PCBP3: variants seen among roughly 807,000 people sequenced by gnomAD.
The protein encoded by PCBP3 is poly(rC) binding protein 3, also known as poly(rC)-binding protein 3.
A neutral mutation model predicts 52.7 loss-of-function variants in PCBP3; 25 were observed. The observed-to-expected ratio is 0.47, with a 90% CI of 0.35 to 0.66. PCBP3 has a LOEUF of 0.66. Ranked by LOEUF, PCBP3 falls within the 30% of genes least tolerant of loss-of-function variation. PCBP3 has a pLI of 0.01. For missense variants in PCBP3, 391 were observed against 490.3 expected, an observed-to-expected ratio of 0.80 and a Z score of 1.91; for synonymous variants, 162 against 183.0, an observed-to-expected ratio of 0.89 and a Z score of 0.93.
intron 2 of PCBP3, among the ~76,000 whole-genome samples, chr21:45,712,604 C>T (rs903254914): frequency 2.6e-5 from 4 of 152,194 alleles, no homozygotes; most frequent in South Asian, 2.1e-4. Context: ...ACACTGTACA[C>T]GTTGGTTTGT....
intron 12 of PCBP3, chr21:45,915,987 A>G (rs980459600): frequency 6.6e-6 from 1 of 152,294 alleles, no homozygotes; most frequent in African/African-American, 2.4e-5. Context: ...GAAATCAGGG[A>G]CCTGGAAGAT....
chr21:45,844,415 C>G (rs2093762442), intron 4 of PCBP3, among the ~76,000 whole-genome samples: 1 of 152,104 alleles, frequency 6.6e-6, no homozygotes, highest in Non-Finnish European at 1.5e-5. Flanking sequence ...TCACCCAGCG[C>G]AAGGTGAGGG....
chr21:45,710,688 G>A (rs2083777185), intron 2 of PCBP3, among the ~76,000 whole-genome samples: 1 of 152,170 alleles, frequency 6.6e-6, no homozygotes, highest in Admixed American at 6.5e-5. Context: ...GTACTGTTTG[G>A]AAGGAAGTCA....
intron 1 of PCBP3, among the ~76,000 whole-genome samples, chr21:45,657,273 A>G (rs898324703): frequency 6.6e-6 from 1 of 152,084 alleles, no homozygotes; most frequent in Admixed American, 6.6e-5. Flanking sequence ...GTTTTATTCT[A>G]AGGGTTTTAT....
At chr21:45,776,240 T>C (rs2090242659) in intron 4 of PCBP3, among the ~76,000 whole-genome samples, 1 of 152,206 alleles carries the variant, frequency 6.6e-6, no homozygotes, top group South Asian at 2.1e-4. Flanking sequence ...TCCTGGAGAA[T>C]GTTCCTTTCA....
chr21:45,825,638 C>T (rs1167022521), intron 4 of PCBP3, among the ~76,000 whole-genome samples: 3 of 152,184 alleles, frequency 2.0e-5, no homozygotes, highest in African/African-American at 7.2e-5. Flanking sequence ...TCTTATTTTT[C>T]AGGGCTCATA....
At chr21:45,815,150 A>G (rs1603441942) in intron 4 of PCBP3, among the ~76,000 whole-genome samples, 1 of 58,362 alleles carries the variant, frequency 1.7e-5, no homozygotes, top group African/African-American at 7.6e-5. Flanking sequence ...GTGAGTGGTG[A>G]GTGAGTGGTG....
intron 5 of PCBP3, among the ~76,000 whole-genome samples, chr21:45,881,126 C>T (rs531805100): frequency 6.6e-6 from 1 of 152,110 alleles, no homozygotes; most frequent in Admixed American, 6.5e-5. Context: ...TAATTTTTAT[C>T]GTGAGTTGGT....
chr21:45,843,482 A>G (rs1228108200), intron 4 of PCBP3, among the ~76,000 whole-genome samples: 1 of 152,170 alleles, frequency 6.6e-6, no homozygotes, highest in Non-Finnish European at 1.5e-5. Flanking sequence ...TAACTTTTTA[A>G]ATGGGATTCG....
At position 45,908,706 on chromosome 21, in the gene PCBP3, G is replaced by A. The variant is rs529446366; in HGVS notation, c.340-649G>A. On this transcript the variant is annotated intron_variant, in intron 9 of 17. Coordinates refer to ENST00000681687, the MANE Select transcript of PCBP3 (RefSeq NM_001384156.1). Reference sequence around the variant, plus strand: ...GAGCTCCGGGCCACAGCCTGGACACGCCCCATGCGGCTGACAGAAGCCCTG... The same window carrying A: ...GAGCTCCGGGCCACAGCCTGGACACACCCCATGCGGCTGACAGAAGCCCTG... 1.4e-4 allele frequency among the ~76,000 whole-genome samples: 22 copies of A among 152,242 alleles called. No homozygotes were observed. The East Asian group carries it at 3.7e-3, about 25-fold the overall frequency.
intron 3 of PCBP3, chr21:45,744,302 C>T (rs1251680524): frequency 6.6e-6 from 1 of 152,128 alleles, no homozygotes. Context: ...TCAAGCGATC[C>T]TTCCACCTCA....
intron 9 of PCBP3, among the ~76,000 whole-genome samples, chr21:45,902,878 A>G (rs373160973): frequency 4.6e-5 from 7 of 152,380 alleles, no homozygotes; most frequent in African/African-American, 1.7e-4. Flanking sequence ...GGTGTCCCGA[A>G]TAACTTCTGC....
intron 2 of PCBP3, among the ~76,000 whole-genome samples, chr21:45,669,193 T>C (rs1285978564): frequency 6.6e-6 from 1 of 152,216 alleles, no homozygotes; most frequent in Non-Finnish European, 1.5e-5. Context: ...TCATGCTCTC[T>C]CTTATATTTC....
At chr21:45,815,165 G>GTGAGTGA (rs2092860935) in intron 4 of PCBP3, among the ~76,000 whole-genome samples, 1 of 46,384 alleles carries the variant, frequency 2.2e-5, no homozygotes, top group African/African-American at 9.9e-5. Context: ...GTGGTGAGTA[G>GTGAGTGA]TGAGTGGTGA....
At chr21:45,710,002 C>T (rs1158262316) in intron 2 of PCBP3, among the ~76,000 whole-genome samples, 1 of 152,140 alleles carries the variant, frequency 6.6e-6, no homozygotes, top group Non-Finnish European at 1.5e-5. Flanking sequence ...GGGATGAAGA[C>T]ACTGAGATAA....
At position 45,646,103 on chromosome 21, in the gene PCBP3, C is replaced by CTGTGTGTG. The variant is rs1269114772; in HGVS notation, c.-279+2236_-279+2237insGTGTGTGT. On this transcript the variant is annotated intron_variant, in intron 1 of 17. Coordinates refer to ENST00000681687, the MANE Select transcript of PCBP3 (RefSeq NM_001384156.1). Reference sequence around the variant, plus strand: ...TCTCTTTCTCTCTCTCTCTCTCTCTCTCTCTGTGTGTGTGTGTGTGTGTGT... The same window carrying CTGTGTGTG: ...TCTCTTTCTCTCTCTCTCTCTCTCTCTGTGTGTGTCTCTGTGTGTGTGTGTGTGTGTGT... Among the ~76,000 whole-genome samples the CTGTGTGTG allele has an allele frequency of 8.2e-4, 63 of 76,996 alleles. No homozygotes were observed. In the East Asian group the frequency reaches 0.01, roughly 12 times the overall value. 50.5% of individuals were successfully genotyped at this position (76,996 alleles called of 152,430 possible).
rs35826702 is a variant in PCBP3, at chr21:45,925,150, C to G, written c.718-4767C>G. Reference sequence around the variant, plus strand: ...AAGATCGGGTGTGCGTGAGGAGATGCGAACACCAGGAACAGTCGAGTGGGT... The same window carrying G: ...AAGATCGGGTGTGCGTGAGGAGATGGGAACACCAGGAACAGTCGAGTGGGT... On this transcript the variant is annotated intron_variant, in intron 13 of 17. Coordinates refer to ENST00000681687, the MANE Select transcript of PCBP3 (RefSeq NM_001384156.1). 1.7e-5 allele frequency among the ~76,000 whole-genome samples: 2 copies of G among 116,468 alleles called. 1 individual carries two copies. Among genetic ancestry groups the G allele is most frequent in the Non-Finnish European group, 3.3e-5 (2 of 60,608 alleles). 76.4% of individuals were successfully genotyped at this position (116,468 alleles called of 152,430 possible).
intron 4 of PCBP3, among the ~76,000 whole-genome samples, chr21:45,797,703 TCCAC>T (rs2092022720): frequency 2.1e-5 from 2 of 93,976 alleles, no homozygotes; most frequent in Non-Finnish European, 2.1e-5. Flanking sequence ...AGTGCATGGA[TCCAC>T]AGAGAGTGAA....
intron 4 of PCBP3, among the ~76,000 whole-genome samples, chr21:45,815,534 G>A (rs1253266300): frequency 2.8e-5 from 2 of 72,042 alleles, no homozygotes; most frequent in African/African-American, 5.7e-5. Context: ...ATGAGTGAGT[G>A]GTGAGTAGTG....
Sources: allele counts gnomAD v4.1 joint callset (sites outside exome capture counted in the v4.1 genomes callset), GRCh38; gene constraint gnomAD v4.1.1; transcripts MANE v1.5; gene names NCBI Gene and HGNC (gene_info 2026-07-23, HGNC 2026-07-21).